The following GYG1 variants were observed in gnomAD, a reference collection of about 807,000 sequenced individuals.
The protein encoded by GYG1 is glycogenin 1, also known as glycogenin-1.
In GYG1, 44 loss-of-function variants were observed where a neutral mutation model predicts 41.9. The observed-to-expected ratio is 1.05, with a 90% CI of 0.83 to 1.35. GYG1 has a LOEUF of 1.35. Among genes scored for constraint, GYG1 ranks in the 40% most tolerant of loss-of-function variants. The probability of loss-of-function intolerance (pLI) is 0.00; values close to 1 mark genes in which losing one functional copy is unlikely to be tolerated. For missense variants in GYG1, 429 were observed against 418.9 expected (o/e 1.02, Z -0.21); for synonymous variants, 141 against 158.1 (o/e 0.89, Z 0.81).
intron 5 of GYG1, among the ~76,000 whole-genome samples, chr3:149,015,632 T>C (rs1251916766): frequency 6.6e-6 from 1 of 152,078 alleles, no homozygotes; most frequent in Non-Finnish European, 1.5e-5. Flanking sequence ...TCCTGGTGAC[T>C]TTGGCAAGAG....
chr3:149,031,394 C>CA lies in GYG1; in HGVS notation c.*4468dup, dbSNP rs1344657850. The stretch of plus-strand genomic sequence containing the variant: ...TTATAAAAATTTATAAAGTTACTTC[C>CA]AAAAAAAGCTACATAAATAAAAATT... On this transcript the variant is annotated 3_prime_UTR_variant, in exon 8 of 8. Transcript: ENST00000345003. 1 of 152,196 alleles carries CA rather than the reference C, an allele frequency of 6.6e-6. No individual in the cohort carries two copies. Among genetic ancestry groups the CA allele is most frequent in the Non-Finnish European group, 1.5e-5 (1 of 67,946 alleles). 9.4% of individuals were successfully genotyped at this position (152,196 alleles called of 1,614,324 possible).
At chr3:149,025,423 G>A (rs538566868) in intron 6 of GYG1, among the ~76,000 whole-genome samples, 3 of 152,320 alleles carry the variant, frequency 2.0e-5, no homozygotes, top group South Asian at 4.2e-4. Context: ...ACCTTGTGCT[G>A]TGCGGCCTGG....
At chr3:148,994,413 G>T (rs1377532552) in intron 2 of GYG1, 136 bp downstream of exon 2, 2 of 926,190 alleles carry the variant, frequency 2.2e-6, no homozygotes, top group Admixed American at 1.8e-5. Flanking sequence ...GATGCTGAGT[G>T]CAGGATTGCT....
intron 6 of GYG1, among the ~76,000 whole-genome samples, chr3:149,025,074 A>G (rs1463861253): frequency 1.3e-5 from 2 of 152,222 alleles, no homozygotes; most frequent in Non-Finnish European, 2.9e-5. Context: ...ACTAAGATAT[A>G]GAAAGGAGAA....
rs776413867 is a variant in GYG1 at position 148,991,679 on chromosome 3, C to T, written c.7+32C>T. The T allele has an allele frequency of 3.2e-5, 48 of 1,495,434 alleles. No homozygotes were observed. The African/African-American group carries it at 4.2e-4, about 13-fold the overall frequency. 92.6% of individuals were successfully genotyped at this position (1,495,434 alleles called of 1,614,324 possible). On this transcript the variant is annotated intron_variant, in intron 1 of 7. Coordinates refer to ENST00000345003, the MANE Select transcript of GYG1 (RefSeq NM_004130.4). ...CCGCGCAGCCCGCCGCCGCCAGCCC[C>T]GGGACCCCGGCTTCCTGCCCAGCCG...
At chr3:149,001,992 T>C (rs766263229) in intron 4 of GYG1, among the ~76,000 whole-genome samples, 1 of 152,186 alleles carries the variant, frequency 6.6e-6, no homozygotes, top group Non-Finnish European at 1.5e-5. Context: ...TCTATCTCTA[T>C]TGCTACTGTT....
At chr3:148,996,565 T>A in intron 3 of GYG1, 89 bp downstream of exon 3, 1 of 1,307,682 alleles carries the variant, frequency 7.6e-7, no homozygotes, top group Non-Finnish European at 1.1e-6. Context: ...TGTCAAGACT[T>A]GACGGTAAAG....
intron 4 of GYG1, among the ~76,000 whole-genome samples, chr3:148,997,481 T>G (rs74647222): frequency 0.015 from 2,338 of 152,334 alleles, 71 homozygotes; most frequent in African/African-American, 0.053. Flanking sequence ...AGCATCCATT[T>G]TCTATAACAT....
rs758555046 is a variant in GYG1, at chr3:148,994,096, C to T, written c.8-46C>T. ...TGGGTTCCTGGGGAAAAGGCTTTCTCCAGATAAGATACTGTAATGAGTGTT... is the reference window on the plus strand; with the variant it reads ...TGGGTTCCTGGGGAAAAGGCTTTCTTCAGATAAGATACTGTAATGAGTGTT... On this transcript the variant is annotated intron_variant, in intron 1 of 7. Coordinates refer to ENST00000345003, the MANE Select transcript of GYG1 (RefSeq NM_004130.4). The T allele has an allele frequency of 1.1e-5, 18 of 1,576,516 alleles. No individual in the cohort carries two copies. The African/African-American group carries it at 2.3e-4, about 20-fold the overall frequency.
chr3:149,010,048 T>C (rs1713630133), intron 5 of GYG1, among the ~76,000 whole-genome samples: 1 of 152,202 alleles, frequency 6.6e-6, no homozygotes, highest in Non-Finnish European at 1.5e-5. Context: ...CAGTACACGT[T>C]AGATTGTTAG....
Position 148,991,604 on chromosome 3 carries a change from T to C in GYG1, c.-37T>C, listed in dbSNP as rs1374899287. On this transcript the variant is annotated 5_prime_UTR_variant, in exon 1 of 8. Transcript: ENST00000345003. ...TGCCGGCTTCTCTGAGTCACCAACC[T>C]GAGGCTGCCCCGGCCGCCTGCGCAC... The C allele has an allele frequency of 1.2e-5, 19 of 1,554,236 alleles. No homozygotes were observed. Among genetic ancestry groups the C allele is most frequent in the Non-Finnish European group, 1.6e-5 (18 of 1,158,662 alleles).
intron 5 of GYG1, among the ~76,000 whole-genome samples, chr3:149,023,534 T>C (rs1714480924): frequency 1.3e-5 from 2 of 152,238 alleles, no homozygotes; most frequent in Non-Finnish European, 2.9e-5. Context: ...CCAAATACTT[T>C]CCAAGTGGTG....
intron 4 of GYG1, among the ~76,000 whole-genome samples, chr3:148,999,514 C>T (rs1367624293): frequency 6.6e-6 from 1 of 152,082 alleles, no homozygotes; most frequent in Non-Finnish European, 1.5e-5. Flanking sequence ...CACTCTATAC[C>T]TTGGGAGGCT....
At chr3:148,997,054 T>TTGTGTGTGTGTGTG (rs10571382) in intron 4 of GYG1, 150 bp downstream of exon 4, 3 of 606,864 alleles carry the variant, frequency 4.9e-6, no homozygotes, top group African/African-American at 1.9e-5. Flanking sequence ...CTGGGAAATA[T>TTGTGTGTGTGTGTG]TGTGTGTGTG....
intron 4 of GYG1, chr3:149,001,638 G>A (rs114492703): frequency 6.6e-6 from 1 of 152,142 alleles, no homozygotes; most frequent in Non-Finnish European, 1.5e-5. Flanking sequence ...TTAATTGAGA[G>A]CCTGCTATCT....
rs765243532 is a variant in GYG1 at position 148,996,835 on chromosome 3, G to C, written c.412G>C (p.Val138Leu). ...WPDCFNSGVF[V>L]YQPSVETYNQ... Reference sequence around the variant, plus strand: ...TGACTGCTTCAATTCCGGAGTCTTCGTTTATCAGCCTTCAGTTGAAACATA... The same window carrying C: ...TGACTGCTTCAATTCCGGAGTCTTCCTTTATCAGCCTTCAGTTGAAACATA... Residue 138 changes from valine to leucine, a missense_variant, in exon 4 of 8, where the codon GTT (valine) becomes CTT (leucine). Val to Leu is a conservative substitution (Grantham distance 32, BLOSUM62 1). Transcript: ENST00000345003. 2 of 1,613,408 alleles carry C rather than the reference G, an allele frequency of 1.2e-6. No individual in the cohort carries two copies. The highest frequency in any genetic ancestry group is 1.7e-6 in the Non-Finnish European group (2 of 1,179,506).
At chr3:148,998,583 A>AG (rs1264786693) in intron 4 of GYG1, among the ~76,000 whole-genome samples, 35 of 152,346 alleles carry the variant, frequency 2.3e-4, no homozygotes, top group African/African-American at 7.9e-4. Flanking sequence ...CAAGAAGTGA[A>AG]GTCTTGTTTT....
Position 149,009,400 on chromosome 3 carries a change from A to C in GYG1, c.606A>C (p.Lys202Asn). ...TATACTCCTACCTCCCGGCATTTAA[A>C]GTGTAAGTGCAGATGGTTTAACTAT... ...ISIYSYLPAF[K>N]VFGASAKVVH... The change falls in exon 5 of 8, where the codon AAA (lysine) becomes AAC (asparagine). Residue 202 changes from lysine (K) to asparagine (N), a missense_variant and splice_region_variant. By Grantham distance (94) the Lys-to-Asn change is moderately conservative. Transcript: ENST00000345003. 8 of 1,613,830 alleles carry C rather than the reference A, an allele frequency of 5.0e-6. No individual in the cohort carries two copies. Among genetic ancestry groups the C allele is most frequent in the Non-Finnish European group, 6.8e-6 (8 of 1,179,706 alleles).
In GYG1 at chr3:149,026,895, GACA is replaced by G. The variant is rs1368197366; in HGVS notation, c.1019_1021del (p.Asn340del). On this transcript the variant is annotated inframe_deletion, in exon 8 of 8. Coordinates refer to ENST00000345003, the MANE Select transcript of GYG1 (RefSeq NM_004130.4). Reference sequence around the variant, plus strand: ...TGATTATATGGGAGCAGATTCCTTTGACAACATCAAGAGGAAACTTGACACTTA... The same window carrying G: ...TGATTATATGGGAGCAGATTCCTTTGACATCAAGAGGAAACTTGACACTTA... 3.7e-6 allele frequency: 6 copies of G among 1,613,596 alleles called. No homozygotes were observed. Among genetic ancestry groups the G allele is most frequent in the Admixed American group, 3.3e-5 (2 of 60,020 alleles).
Sources: allele counts gnomAD v4.1 joint callset (sites outside exome capture counted in the v4.1 genomes callset), GRCh38; gene constraint gnomAD v4.1.1; transcripts MANE v1.5; gene names NCBI Gene and HGNC (gene_info 2026-07-23, HGNC 2026-07-21).